NELL1: variants seen among roughly 807,000 people sequenced by gnomAD.
NELL1 encodes protein kinase C-binding protein NELL1.
A neutral mutation model predicts 107.4 loss-of-function variants in NELL1; 76 were observed. That is an observed-to-expected ratio of 0.71 (90% CI 0.59 to 0.86). NELL1 has a LOEUF of 0.86. NELL1 is among the 40% of genes least tolerant of loss of function. NELL1 has a pLI of 0.00. For synonymous variants in NELL1, 353 were observed against 341.2 expected, an observed-to-expected ratio of 1.03 and a Z score of -0.38; for missense variants, 1,024 against 1,005.5, an observed-to-expected ratio of 1.02 and a Z score of -0.25.
At chr11:20,767,012 G>T (rs1277312766) in intron 2 of NELL1, among the ~76,000 whole-genome samples, 19 of 152,170 alleles carry the variant, frequency 1.2e-4, no homozygotes, top group Admixed American at 7.2e-4. Context: ...CCAGACTGCT[G>T]GGATTACAGG....
intron 12 of NELL1, among the ~76,000 whole-genome samples, chr11:21,035,715 G>C (rs1853075190): frequency 6.6e-6 from 1 of 152,082 alleles, no homozygotes; most frequent in South Asian, 2.1e-4. Flanking sequence ...TATAAACTGG[G>C]TATCGAAGGA....
intron 5 of NELL1, 57 bp from the exon 6 acceptor site, chr11:20,918,125 G>A: frequency 1.1e-6 from 1 of 913,728 alleles, no homozygotes; most frequent in Admixed American, 1.7e-5. Flanking sequence ...ATTGCATAGG[G>A]GACATTTGAG....
rs556124974 is a variant in NELL1 at position 21,394,511 on chromosome 11, C to A, written c.1645+23563C>A. On this transcript the variant is annotated intron_variant, in intron 15 of 19. Transcript: ENST00000357134. ...AGGGGCTTGTCCAAGACAGACTGGA[C>A]CCAGAGGCATGTTTTATATGCAGCT... 2.0e-5 allele frequency among the ~76,000 whole-genome samples: 3 copies of A among 151,366 alleles called. No individual in the cohort carries two copies. In the South Asian group the frequency reaches 6.2e-4, roughly 31 times the overall value.
At position 20,928,384 on chromosome 11, in the gene NELL1, C is replaced by T. The variant is rs1850545484; in HGVS notation, c.902C>T (p.Ala301Val). 6.2e-7 allele frequency: 1 copy of T among 1,613,618 alleles called. No homozygotes were observed. The highest frequency in any genetic ancestry group is 8.5e-7 in the Non-Finnish European group (1 of 1,179,592). The change falls in exon 9 of 20, where the codon GCC becomes GTC. Residue 301 changes from alanine to valine, a missense_variant. By Grantham distance (64) the Ala-to-Val change is moderately conservative (BLOSUM62 0). Transcript: ENST00000357134. ...HCRNCTCKSG[A>V]VECRRMSCPP... ...ATGTCCTTCCTTCCTCAGAGTGGTG[C>T]CGTGGAATGCCGAAGGATGTCCTGT... is the stretch of plus-strand genomic sequence containing the variant.
intron 12 of NELL1, among the ~76,000 whole-genome samples, chr11:21,074,379 A>G (rs1260749064): frequency 1.6e-4 from 25 of 152,210 alleles, no homozygotes; most frequent in Admixed American, 1.6e-3. Flanking sequence ...TGTTAAATTT[A>G]ATTAAAACAT....
chr11:21,146,121 T>C lies in NELL1; in HGVS notation c.1426+32407T>C, dbSNP rs575208276. Among the ~76,000 whole-genome samples, 14 of 152,316 alleles carry C rather than the reference T, an allele frequency of 9.2e-5. No homozygotes were observed. The South Asian group carries it at 2.9e-3, about 32-fold the overall frequency. On this transcript the variant is annotated intron_variant, in intron 13 of 19. Coordinates refer to ENST00000357134, the MANE Select transcript of NELL1 (RefSeq NM_006157.5). ...TAATATTTATCATCAAAGGCTGTTGTGAGGATTAAATTATGTAATGTGTAT... is the reference window on the plus strand; with the variant it reads ...TAATATTTATCATCAAAGGCTGTTGCGAGGATTAAATTATGTAATGTGTAT...
chr11:20,787,313 T>C (rs776932907), intron 3 of NELL1, among the ~76,000 whole-genome samples: 26 of 152,070 alleles, frequency 1.7e-4, no homozygotes, highest in Non-Finnish European at 4.4e-5. Context: ...GAGACTGGAA[T>C]GTAAGAAAAT....
intron 7 of NELL1, among the ~76,000 whole-genome samples, chr11:20,921,006 A>T (rs1490094934): frequency 2.0e-5 from 3 of 152,228 alleles, no homozygotes; most frequent in African/African-American, 7.2e-5. Flanking sequence ...TTTGCTGTGT[A>T]ATTTGAAATC....
chr11:21,385,454 A>T (rs1209291406), intron 15 of NELL1, among the ~76,000 whole-genome samples: 5 of 151,896 alleles, frequency 3.3e-5, no homozygotes, highest in Non-Finnish European at 4.4e-5. Flanking sequence ...GATCATATGT[A>T]GCCAGAGTTA....
intron 15 of NELL1, among the ~76,000 whole-genome samples, chr11:21,484,760 A>G (rs1196794368): frequency 6.6e-6 from 1 of 152,188 alleles, no homozygotes; most frequent in Non-Finnish European, 1.5e-5. Flanking sequence ...TCAATTTCAT[A>G]GGATATATTC....
At chr11:21,199,684 C>A in intron 13 of NELL1, among the ~76,000 whole-genome samples, 1 of 152,148 alleles carries the variant, frequency 6.6e-6, no homozygotes, top group Middle Eastern at 3.4e-3. Context: ...TGTTGGGGTA[C>A]ATGTGCAGAA....
rs537153901 is a variant in NELL1, at chr11:21,437,423, G to A, written c.1645+66475G>A. ...TACCCAGGCTGGAGTGCAATGGTGC[G>A]ATCTCGGCTCACCGCAACCTCCGCC... is the stretch of plus-strand genomic sequence containing the variant. On this transcript the variant is annotated intron_variant, in intron 15 of 19. Coordinates refer to ENST00000357134, the MANE Select transcript of NELL1 (RefSeq NM_006157.5). Among the ~76,000 whole-genome samples, 7 of 152,152 alleles carry A rather than the reference G, an allele frequency of 4.6e-5. No homozygotes were observed. The South Asian group carries it at 8.3e-4, about 18-fold the overall frequency.
intron 15 of NELL1, among the ~76,000 whole-genome samples, chr11:21,381,366 C>T (rs978067234): frequency 1.3e-5 from 2 of 151,934 alleles, no homozygotes; most frequent in African/African-American, 4.8e-5. Flanking sequence ...ACTATTTACC[C>T]AGCTCTGTAA....
intron 14 of NELL1, among the ~76,000 whole-genome samples, chr11:21,292,935 A>G (rs2133962352): frequency 6.6e-6 from 1 of 152,346 alleles, no homozygotes; most frequent in South Asian, 2.1e-4. Context: ...ATTAAGATGG[A>G]TTAAAGGCTT....
chr11:21,361,778 T>A (rs1851081916), intron 14 of NELL1, among the ~76,000 whole-genome samples: 1 of 152,190 alleles, frequency 6.6e-6, no homozygotes, highest in African/African-American at 2.4e-5. Flanking sequence ...AGTCTATTGT[T>A]GAATGTTTCC....
At chr11:21,418,675 T>C (rs1447830612) in intron 15 of NELL1, among the ~76,000 whole-genome samples, 3 of 152,122 alleles carry the variant, frequency 2.0e-5, no homozygotes, top group Admixed American at 6.6e-5. Context: ...CCCACCCTGA[T>C]AACATCAAGC....
rs141532493 is a variant in NELL1, at chr11:21,554,918, C to T, written c.1787-5271C>T. Among the ~76,000 whole-genome samples the T allele has an allele frequency of 2.4e-4, 36 of 151,976 alleles. No individual in the cohort carries two copies. The East Asian group carries it at 6.0e-3, about 26-fold the overall frequency. On this transcript the variant is annotated intron_variant, in intron 16 of 19. Coordinates refer to ENST00000357134, the MANE Select transcript of NELL1 (RefSeq NM_006157.5). ...CCTCAGTGCCAGGCAAACTGGTATCCGCAGTTTCTGGATTACAAAGGTTAA... is the reference window on the plus strand; with the variant it reads ...CCTCAGTGCCAGGCAAACTGGTATCTGCAGTTTCTGGATTACAAAGGTTAA...
chr11:21,307,537 A>G (rs1849633123), intron 14 of NELL1, among the ~76,000 whole-genome samples: 2 of 152,024 alleles, frequency 1.3e-5, no homozygotes, highest in Admixed American at 1.3e-4. Context: ...ATGTATTATC[A>G]TTTTTAAACT....
At chr11:21,572,037 T>C (rs1857111236) in intron 18 of NELL1, among the ~76,000 whole-genome samples, 2 of 151,866 alleles carry the variant, frequency 1.3e-5, no homozygotes, top group Admixed American at 1.3e-4. Flanking sequence ...TAATCACTCC[T>C]ATGACTGAGA....
Sources: allele counts gnomAD v4.1 joint callset (sites outside exome capture counted in the v4.1 genomes callset), GRCh38; gene constraint gnomAD v4.1.1; transcripts MANE v1.5; gene names NCBI Gene and HGNC (gene_info 2026-07-23, HGNC 2026-07-21).